SULF2: variants seen among roughly 807,000 people sequenced by gnomAD.
SULF2 encodes the protein extracellular sulfatase Sulf-2.
Under a neutral mutation model 107.7 loss-of-function variants are expected in SULF2, and 52 were observed. The ratio of observed to expected loss-of-function variants is 0.48; its 90% CI spans 0.39 to 0.61. The LOEUF is 0.61. SULF2 is among the 20% of genes least tolerant of loss of function. SULF2 has a pLI of 0.00. For missense variants in SULF2, 993 were observed against 1,177.3 expected (o/e 0.84, Z 2.29); for synonymous variants, 460 against 464.3 (o/e 0.99, Z 0.12).
At chr20:47,726,099 A>G (rs1307946236) in intron 3 of SULF2, among the ~76,000 whole-genome samples, 2 of 152,134 alleles carry the variant, frequency 1.3e-5, no homozygotes, top group African/African-American at 4.8e-5. Context: ...AATCACGGAA[A>G]GCACTCACCT....
chr20:47,684,703 G>A lies in SULF2; in HGVS notation c.738-122C>T. 7.4e-6 allele frequency: 7 copies of A among 941,508 alleles called. No individual in the cohort carries two copies. The South Asian group carries it at 1.2e-4, about 16-fold the overall frequency. 58.3% of individuals were successfully genotyped at this position (941,508 alleles called of 1,614,324 possible). A position where few individuals can be genotyped will look rare whatever the true frequency, so the allele number is the denominator to read the frequency against. The stretch of plus-strand genomic sequence containing the variant: ...CTGTGTCTGCAGCCCAGGGCCAGGT[G>A]TGATCTCCTGGTGGGAAAGGGGACA... On this transcript the variant is annotated intron_variant, in intron 5 of 20. Transcript: ENST00000688720.
chr20:47,736,817 C>G lies in SULF2; in HGVS notation c.301G>C (p.Val101Leu). ...SRSSILTGKYVHNHNTYTNNE... is the reference protein window; with the variant it reads ...SRSSILTGKYLHNHNTYTNNE... ...TTGGTGTAGGTGTTGTGGTTGTGGA[C>G]GTACTTGCCAGTGAGGATGGAGGAG... The change falls in exon 3 of 21, where the codon GTC (valine) becomes CTC (leucine). Residue 101 changes from valine (V) to leucine (L), a missense_variant. Physicochemically the swap from Val to Leu is conservative, Grantham distance 32 (BLOSUM62 1). Around this residue, in one of 3 missense-constraint regions of SULF2, gnomAD observed 388 missense variants for 449.2 expected, o/e 0.86. Transcript: ENST00000688720. 1.2e-6 allele frequency: 2 copies of G among 1,614,114 alleles called. No homozygotes were observed. The highest frequency in any genetic ancestry group is 1.1e-5 in the South Asian group (1 of 91,084).
At position 47,770,053 on chromosome 20, in the gene SULF2, G is replaced by GTTTTTT. The variant is rs56786760; in HGVS notation, c.-100-12596_-100-12591dup. Reference sequence around the variant, plus strand: ...CTTGCGGGTGATGTGATCTGGTGTAGTTTTTTTTTTTTTTTTTTTTTTTTT... The same window carrying GTTTTTT: ...CTTGCGGGTGATGTGATCTGGTGTAGTTTTTTTTTTTTTTTTTTTTTTTTTTTTTTT... On this transcript the variant is annotated intron_variant, in intron 1 of 20. Transcript: ENST00000688720. 7.6e-4 allele frequency among the ~76,000 whole-genome samples: 48 copies of GTTTTTT among 63,110 alleles called. 5 individuals are homozygous for GTTTTTT. The highest frequency in any genetic ancestry group is 2.6e-3 in the African/African-American group (36 of 13,898). The allele number at this position is 63,110 out of a possible 152,430, so 41.4% of individuals were successfully genotyped here. A position where few individuals can be genotyped will look rare whatever the true frequency, so the allele number is the denominator to read the frequency against.
At chr20:47,744,762 A>G (rs1456590555) in intron 2 of SULF2, among the ~76,000 whole-genome samples, 1 of 152,108 alleles carries the variant, frequency 6.6e-6, no homozygotes, top group South Asian at 2.1e-4. Context: ...GGGGCCCCCA[A>G]GCTGTGCTTT....
chr20:47,684,196 C>A, intron 6 of SULF2: 2 of 411,522 alleles, frequency 4.9e-6, no homozygotes, highest in Non-Finnish European at 8.6e-6. Context: ...AAAAATATAA[C>A]TAGCATATAT....
At position 47,678,826 on chromosome 20, in the gene SULF2, G is replaced by A; in HGVS notation, c.1065-22C>T. On this transcript the variant is annotated intron_variant, in intron 7 of 20. Coordinates refer to ENST00000688720, the MANE Select transcript of SULF2 (RefSeq NM_001387048.1). The surrounding 1 kb of genome is among the most constrained non-coding windows in gnomAD (Gnocchi z 4.5). ...ATTCCTGGGGGAGGCAGGAGATCGG[G>A]GACTCAGTCACTCAGGTGGTGGTGC... is the stretch of plus-strand genomic sequence containing the variant. The A allele has an allele frequency of 6.2e-7, 1 of 1,610,818 alleles. No homozygotes were observed. Among genetic ancestry groups the A allele is most frequent in the Non-Finnish European group, 8.5e-7 (1 of 1,178,542 alleles).
At chr20:47,672,968 A>G (rs1248725719) in intron 10 of SULF2, among the ~76,000 whole-genome samples, 2 of 152,170 alleles carry the variant, frequency 1.3e-5, no homozygotes, top group Admixed American at 1.3e-4. Context: ...GCTCCAGCGC[A>G]AGGAGGTCTC....
intron 18 of SULF2, among the ~76,000 whole-genome samples, chr20:47,660,192 G>A (rs1383867792): frequency 6.6e-6 from 1 of 152,202 alleles, no homozygotes. Context: ...CATAAAATGA[G>A]GATAAGATTC....
intron 2 of SULF2, among the ~76,000 whole-genome samples, chr20:47,752,428 C>A (rs985350901): frequency 2.0e-5 from 3 of 152,080 alleles, no homozygotes; most frequent in African/African-American, 7.2e-5. Context: ...GGAGTATTTT[C>A]ATTTAAAGAT....
At position 47,678,531 on chromosome 20, in the gene SULF2, C is replaced by T. The variant is rs1335543288; in HGVS notation, c.1193+145G>A. On this transcript the variant is annotated intron_variant, in intron 8 of 20. Coordinates refer to ENST00000688720, the MANE Select transcript of SULF2 (RefSeq NM_001387048.1). The surrounding 1 kb of genome is among the most constrained non-coding windows in gnomAD (Gnocchi z 4.5). ...AGGGGACCATGCTTCTCTCCCACAG[C>T]AGGTAAGTGGTTGGCATGGCGGGAC... 5 of 757,232 alleles carry T rather than the reference C, an allele frequency of 6.6e-6. No individual in the cohort carries two copies. The highest frequency in any genetic ancestry group is 1.7e-5 in the African/African-American group (1 of 58,928). 46.9% of individuals were successfully genotyped at this position (757,232 alleles called of 1,614,324 possible). A position where few individuals can be genotyped will look rare whatever the true frequency, so the allele number is the denominator to read the frequency against.
chr20:47,720,518 A>C (rs958011006), intron 3 of SULF2, among the ~76,000 whole-genome samples: 1 of 150,878 alleles, frequency 6.6e-6, no homozygotes, highest in South Asian at 2.1e-4. Context: ...TTGGCCTCCC[A>C]AAGTGCTGGG....
At chr20:47,721,847 T>C (rs2089305523) in intron 3 of SULF2, among the ~76,000 whole-genome samples, 1 of 152,198 alleles carries the variant, frequency 6.6e-6, no homozygotes, top group Admixed American at 6.5e-5. Flanking sequence ...ACCAGGCCCA[T>C]GAGGTTGGCC....
At chr20:47,759,543 T>C (rs1472358894) in intron 1 of SULF2, among the ~76,000 whole-genome samples, 4 of 152,060 alleles carry the variant, frequency 2.6e-5, no homozygotes, top group African/African-American at 9.7e-5. Flanking sequence ...AATACGCAAA[T>C]TAGCTGGGCA....
intron 1 of SULF2, among the ~76,000 whole-genome samples, chr20:47,770,481 G>A (rs1170544774): frequency 6.6e-6 from 1 of 152,168 alleles, no homozygotes; most frequent in Non-Finnish European, 1.5e-5. Context: ...GGCAAGAGGT[G>A]GACGGTTTCT....
chr20:47,670,374 G>A (rs1214980743), intron 11 of SULF2, among the ~76,000 whole-genome samples: 1 of 151,566 alleles, frequency 6.6e-6, no homozygotes. Flanking sequence ...TGTATTTTTA[G>A]TAGACACGGG....
chr20:47,658,513 G>A, intron 20 of SULF2, 121 bp from the exon 21 acceptor site: 2 of 1,125,714 alleles, frequency 1.8e-6, no homozygotes, highest in South Asian at 2.5e-5. Context: ...ATATTTCTAG[G>A]TTACTTAGAA....
chr20:47,731,106 C>T (rs2089588996), intron 3 of SULF2, among the ~76,000 whole-genome samples: 1 of 151,766 alleles, frequency 6.6e-6, no homozygotes, highest in Admixed American at 6.6e-5. Flanking sequence ...CCACCATGTC[C>T]AGACCTCCAG....
intron 5 of SULF2, among the ~76,000 whole-genome samples, chr20:47,686,646 C>G (rs1338518656): frequency 1.3e-5 from 2 of 152,226 alleles, no homozygotes; most frequent in Non-Finnish European, 2.9e-5. Flanking sequence ...CTCCCTCTGG[C>G]CTGGTACGTC....
In SULF2 at chr20:47,712,202, CCCT is replaced by C. The variant is rs1345009760; in HGVS notation, c.416-9535_416-9533del. 7.9e-5 allele frequency among the ~76,000 whole-genome samples: 12 copies of C among 152,364 alleles called. No homozygotes were observed. In the East Asian group the frequency reaches 2.3e-3, roughly 29 times the overall value. On this transcript the variant is annotated intron_variant, in intron 3 of 20. Coordinates refer to ENST00000688720, the MANE Select transcript of SULF2 (RefSeq NM_001387048.1). ...CAGACTTCCCCAAATGGCCAGAGGG[CCCT>C]TCTGAGTCCAAGAGCCATCAGGCCG...
Sources: allele counts gnomAD v4.1 joint callset (sites outside exome capture counted in the v4.1 genomes callset), GRCh38; gene constraint gnomAD v4.1.1; regional missense constraint gnomAD v4.1.1; non-coding constraint Gnocchi (gnomAD v3.1); transcripts MANE v1.5; gene names NCBI Gene and HGNC (gene_info 2026-07-23, HGNC 2026-07-21).